Variants in CDKAL1 observed in about 807,000 individuals in gnomAD.
The protein encoded by CDKAL1 is CDKAL1 threonylcarbamoyladenosine tRNA methylthiotransferase.
CDKAL1 carries 32 observed loss-of-function variants against 68.2 expected under a neutral mutation model. The ratio of observed to expected loss-of-function variants is 0.47; its 90% CI spans 0.35 to 0.63. The LOEUF (loss-of-function observed/expected upper bound fraction) is 0.63. Ranked by LOEUF, CDKAL1 falls within the 30% of genes least tolerant of loss-of-function variation. The probability of loss-of-function intolerance (pLI) is 0.00; values close to 1 mark genes in which losing one functional copy is unlikely to be tolerated. For missense variants in CDKAL1, 606 were observed against 696.7 expected, an observed-to-expected ratio of 0.87 and a Z score of 1.47; for synonymous variants, 234 against 244.3, an observed-to-expected ratio of 0.96 and a Z score of 0.39.
At chr6:20,625,664 A>G (rs1385828788) in intron 4 of CDKAL1, among the ~76,000 whole-genome samples, 1 of 152,102 alleles carries the variant, frequency 6.6e-6, no homozygotes, top group Non-Finnish European at 1.5e-5. Flanking sequence ...GTGATTTGTA[A>G]TATTTAGATC....
intron 6 of CDKAL1, among the ~76,000 whole-genome samples, chr6:20,756,389 G>C (rs1171222167): frequency 1.3e-5 from 2 of 151,990 alleles, no homozygotes; most frequent in African/African-American, 4.8e-5. Context: ...CTTTCCCTAA[G>C]TTTGATTCCC....
At chr6:20,996,938 A>AAT (rs1767150665) in intron 10 of CDKAL1, among the ~76,000 whole-genome samples, 3 of 152,220 alleles carry the variant, frequency 2.0e-5, no homozygotes, top group African/African-American at 7.2e-5. Flanking sequence ...TACCTACTTG[A>AAT]ATATATGTTT....
At position 20,803,252 on chromosome 6, in the gene CDKAL1, C is replaced by T. The variant is rs377626570; in HGVS notation, c.638+21987C>T. ...GGTATAAGAGTCCCATGGCTTCTTC[C>T]AGCCTTTTCTCTCCTTTCCCTGTTA... is the stretch of plus-strand genomic sequence containing the variant. On this transcript the variant is annotated intron_variant, in intron 8 of 15. Coordinates refer to ENST00000274695, the MANE Select transcript of CDKAL1 (RefSeq NM_017774.3). Among the ~76,000 whole-genome samples, 31 of 152,230 alleles carry T rather than the reference C, an allele frequency of 2.0e-4. No individual in the cohort carries two copies. The South Asian group carries it at 6.0e-3, about 30-fold the overall frequency.
chr6:20,588,517 A>G (rs1037880216), intron 4 of CDKAL1, among the ~76,000 whole-genome samples: 2 of 152,240 alleles, frequency 1.3e-5, no homozygotes, highest in African/African-American at 4.8e-5. Flanking sequence ...TGAGGCAGTC[A>G]AGAATAAGGC....
At chr6:20,710,059 A>G (rs1771778859) in intron 5 of CDKAL1, among the ~76,000 whole-genome samples, 1 of 152,170 alleles carries the variant, frequency 6.6e-6, no homozygotes, top group African/African-American at 2.4e-5. Flanking sequence ...ATAAATTTCT[A>G]AAGACTGTTG....
chr6:20,580,447 C>T (rs1045110986), intron 4 of CDKAL1, among the ~76,000 whole-genome samples: 4 of 152,078 alleles, frequency 2.6e-5, no homozygotes, highest in African/African-American at 9.7e-5. Flanking sequence ...ATTTGGGAGT[C>T]TCAGGATGCA....
At chr6:21,229,640 C>T (rs535747892) in intron 15 of CDKAL1, among the ~76,000 whole-genome samples, 2 of 152,326 alleles carry the variant, frequency 1.3e-5, no homozygotes, top group South Asian at 4.1e-4. Context: ...CCTGCACCGC[C>T]TCTGGGCTGC....
intron 12 of CDKAL1, 130 bp downstream of exon 12, chr6:21,065,358 T>C: frequency 1.4e-6 from 1 of 737,354 alleles, no homozygotes; most frequent in Non-Finnish European, 2.2e-6. Flanking sequence ...ATTTCCAAGT[T>C]GGGGTCAGGG....
At chr6:20,987,462 C>T (rs1766530493) in intron 10 of CDKAL1, among the ~76,000 whole-genome samples, 1 of 152,048 alleles carries the variant, frequency 6.6e-6, no homozygotes, top group African/African-American at 2.4e-5. Context: ...ACCATGTTGG[C>T]CAGGCTGGTC....
intron 13 of CDKAL1, among the ~76,000 whole-genome samples, chr6:21,161,419 T>C (rs1776921294): frequency 6.6e-6 from 1 of 152,214 alleles, no homozygotes. Flanking sequence ...TTGTAGAAAC[T>C]ACAGCTGGTG....
chr6:20,807,885 G>T (rs1268449376), intron 8 of CDKAL1, among the ~76,000 whole-genome samples: 1 of 152,132 alleles, frequency 6.6e-6, no homozygotes, highest in Non-Finnish European at 1.5e-5. Flanking sequence ...GTAAATTTCT[G>T]TACTTCAAAA....
intron 5 of CDKAL1, among the ~76,000 whole-genome samples, chr6:20,734,433 A>G (rs375452201): frequency 6.6e-6 from 1 of 152,310 alleles, no homozygotes; most frequent in East Asian, 1.9e-4. Flanking sequence ...TCTTATCACC[A>G]TTCATATTTT....
intron 10 of CDKAL1, among the ~76,000 whole-genome samples, chr6:20,991,443 A>G (rs1213105617): frequency 6.6e-6 from 1 of 152,026 alleles, no homozygotes; most frequent in East Asian, 1.9e-4. Context: ...CACGGTGGCT[A>G]ATGCCTGTAA....
chr6:21,163,123 T>C (rs1275169605), intron 13 of CDKAL1, among the ~76,000 whole-genome samples: 3 of 152,186 alleles, frequency 2.0e-5, no homozygotes, highest in Non-Finnish European at 2.9e-5. Flanking sequence ...TGCCTTTAAA[T>C]TTAAGCCTGA....
intron 5 of CDKAL1, among the ~76,000 whole-genome samples, chr6:20,733,848 A>G (rs1270801898): frequency 6.6e-6 from 1 of 152,048 alleles, no homozygotes; most frequent in Non-Finnish European, 1.5e-5. Flanking sequence ...TTATGCTATG[A>G]ATTTTAAGAT....
intron 9 of CDKAL1, among the ~76,000 whole-genome samples, chr6:20,898,205 C>T (rs979628206): frequency 2.0e-5 from 3 of 151,814 alleles, no homozygotes; most frequent in East Asian, 3.9e-4. Flanking sequence ...TTTTACCTCC[C>T]TGTCTCTTGT....
At chr6:20,639,315 T>C (rs988005469) in intron 4 of CDKAL1, among the ~76,000 whole-genome samples, 1 of 152,174 alleles carries the variant, frequency 6.6e-6, no homozygotes, top group Non-Finnish European at 1.5e-5. Context: ...TTCTTCCTAG[T>C]AGCTTCTATT....
At chr6:20,817,235 T>C (rs1777083787) in intron 8 of CDKAL1, among the ~76,000 whole-genome samples, 1 of 152,096 alleles carries the variant, frequency 6.6e-6, no homozygotes, top group South Asian at 2.1e-4. Flanking sequence ...CAGGCTCCAG[T>C]GTAAAAAATA....
intron 12 of CDKAL1, among the ~76,000 whole-genome samples, 175 bp from the exon 13 acceptor site, chr6:21,108,226 T>C (rs1293669442): frequency 6.6e-6 from 1 of 151,996 alleles, no homozygotes; most frequent in East Asian, 1.9e-4. Context: ...AAAGTGACTT[T>C]GGTTTTTAGT....
Sources: allele counts gnomAD v4.1 joint callset (sites outside exome capture counted in the v4.1 genomes callset), GRCh38; gene constraint gnomAD v4.1.1; transcripts MANE v1.5; gene names NCBI Gene and HGNC (gene_info 2026-07-23, HGNC 2026-07-21).